The following SH3GLB2 variants were observed in gnomAD, a reference collection of about 807,000 sequenced individuals.
SH3GLB2 encodes the protein endophilin-B2.
A neutral mutation model predicts 48.0 loss-of-function variants in SH3GLB2; 24 were observed. The ratio of observed to expected loss-of-function variants is 0.50; its 90% CI spans 0.36 to 0.70. The LOEUF (loss-of-function observed/expected upper bound fraction) is 0.70, where lower values mean the gene tolerates loss of function less well. Ranked by LOEUF, SH3GLB2 falls within the 30% of genes least tolerant of loss-of-function variation. The pLI is 0.00. For synonymous variants in SH3GLB2, 227 were observed against 207.6 expected (o/e 1.09, Z -0.80); for missense variants, 425 against 516.0 (o/e 0.82, Z 1.71).
intron 10 of SH3GLB2, 121 bp from the exon 11 acceptor site, chr9:129,008,912 G>A: frequency 7.9e-7 from 1 of 1,258,470 alleles, no homozygotes; most frequent in Non-Finnish European, 1.1e-6. Flanking sequence ...ACCTTCAGTG[G>A]CTGGCGCTCA....
intron 1 of SH3GLB2, among the ~76,000 whole-genome samples, chr9:129,025,743 C>T (rs17455524): frequency 0.011 from 1,737 of 151,838 alleles, 10 homozygotes; most frequent in Non-Finnish European, 0.02. Flanking sequence ...ACCTCCCCTC[C>T]TTACCAAGGT....
chr9:129,022,325 C>A lies in SH3GLB2; in HGVS notation c.162G>T (p.Glu54Asp). The A allele has an allele frequency of 6.2e-7, 1 of 1,614,180 alleles. No individual in the cohort carries two copies. The highest frequency in any genetic ancestry group is 1.1e-5 in the South Asian group (1 of 91,064). Residue 54 changes from glutamate (E) to aspartate (D), a missense_variant, in exon 2 of 11, where the codon GAG becomes GAT. Coordinates refer to ENST00000372564, the MANE Select transcript of SH3GLB2 (RefSeq NM_020145.4). The part of the protein sequence containing the change: ...ARADSTKNWT[E>D]KILRQTEVLL... Reference sequence around the variant, plus strand: ...GCACCTCTGTCTGCCTCAAGATCTTCTCTGTCCAGTTCTTGGTGCTGTCTG... The same window carrying A: ...GCACCTCTGTCTGCCTCAAGATCTTATCTGTCCAGTTCTTGGTGCTGTCTG...
rs1007702336 is a variant in SH3GLB2, at chr9:129,010,814, C to G, written c.625-121G>C. ...TTCTGCCCCCCTGCCCCTCTGCCCC[C>G]CCTCCCAAACAGGAGCTGAGACTGG... On this transcript the variant is annotated intron_variant, in intron 6 of 10. Coordinates refer to ENST00000372564, the MANE Select transcript of SH3GLB2 (RefSeq NM_020145.4). 9.7e-6 allele frequency: 12 copies of G among 1,243,426 alleles called. No homozygotes were observed. In the South Asian group the frequency reaches 1.3e-4, roughly 13 times the overall value. 77.0% of individuals were successfully genotyped at this position (1,243,426 alleles called of 1,614,324 possible). A position where few individuals can be genotyped will look rare whatever the true frequency, so the allele number is the denominator to read the frequency against.
At position 129,009,842 on chromosome 9, in the gene SH3GLB2, G is replaced by C; in HGVS notation, c.768C>G (p.Phe256Leu). Residue 256 changes from phenylalanine to leucine, a missense_variant, in exon 9 of 11, where the codon TTC becomes TTG. Transcript: ENST00000372564. ...HVNHLRCLHEFVKSQTTYYAQ... is the reference protein window; with the variant it reads ...HVNHLRCLHELVKSQTTYYAQ... The stretch of plus-strand genomic sequence containing the variant: ...CGTAGTAGGTTGTCTGAGACTTGAC[G>C]AACTCGTGGAGGCAGCGCAGGTGGT... 1 of 1,613,964 alleles carries C rather than the reference G, an allele frequency of 6.2e-7. No individual in the cohort carries two copies. The highest frequency in any genetic ancestry group is 8.5e-7 in the Non-Finnish European group (1 of 1,179,950).
chr9:129,012,995 C>G, intron 5 of SH3GLB2: 1 of 1,551,090 alleles, frequency 6.4e-7, no homozygotes, highest in Non-Finnish European at 8.7e-7. Flanking sequence ...GCGCGTGGGA[C>G]AGGTATACTC....
chr9:129,013,139 C>A, intron 5 of SH3GLB2: 2 of 1,108,514 alleles, frequency 1.8e-6, no homozygotes, highest in Non-Finnish European at 1.3e-6. Flanking sequence ...GGCGGTCGGG[C>A]GGAGGGAGGC....
At chr9:129,013,309 A>G (rs1843230786) in intron 5 of SH3GLB2, 1 of 495,954 alleles carries the variant, frequency 2.0e-6, no homozygotes, top group African/African-American at 1.9e-5. Flanking sequence ...GTCCAGGCCC[A>G]CCAGGTGAGG....
At chr9:129,022,242 A>C (rs1198292127) in intron 2 of SH3GLB2, 40 bp downstream of exon 2, 1 of 1,606,644 alleles carries the variant, frequency 6.2e-7, no homozygotes, top group Non-Finnish European at 8.5e-7. Flanking sequence ...TCCCTGCCCC[A>C]CGACTACATC....
At position 129,008,701 on chromosome 9, in the gene SH3GLB2, A is replaced by C. The variant is rs781293051; in HGVS notation, c.1171T>G (p.Leu391Val). The change falls in exon 11 of 11, where the codon TTG (leucine) becomes GTG (valine). Residue 391 changes from leucine (L) to valine (V), a missense_variant. Physicochemically the swap from Leu to Val is conservative, Grantham distance 32. Transcript: ENST00000372564. ...GCACCTGCCTAGCTGAGCAGTTCCA[A>C]GTAGGTGACAGGGACCTTGCCCTTC... ...NKKGKVPVTY[L>V]ELLS 3 of 1,614,052 alleles carry C rather than the reference A, an allele frequency of 1.9e-6. No homozygotes were observed. The highest frequency in any genetic ancestry group is 2.2e-5 in the South Asian group (2 of 91,080).
chr9:129,014,834 C>A lies in SH3GLB2; in HGVS notation c.405G>T (p.Thr135=). 6.2e-7 allele frequency: 1 copy of A among 1,613,976 alleles called. No individual in the cohort carries two copies. The highest frequency in any genetic ancestry group is 8.5e-7 in the Non-Finnish European group (1 of 1,180,020). The stretch of plus-strand genomic sequence containing the variant: ...AGGGTGTGAGGAAGCTGATGGAGGC[C>A]GTGTGGATAAAATCCCTCTCCGCGG... ...LGAAERDFIH[T]ASISFLTPLR... is the part of the protein sequence containing the mutation. The change falls in exon 4 of 11, where the codon ACG becomes ACT. Residue 135 remains threonine (T), a synonymous_variant. Coordinates refer to ENST00000372564, the MANE Select transcript of SH3GLB2 (RefSeq NM_020145.4). This position sits in a 1 kb window ranked among gnomAD's most constrained non-coding sequence, Gnocchi z 4.1.
In SH3GLB2 at chr9:129,014,930, GGAA is replaced by G. The variant is rs780299206; in HGVS notation, c.335-29_335-27del. ...CTGAGAAAACAGAGTTGAAGCGTGA[GGAA>G]GAAGGTCAGGCTCAGGCTACTCTGA... On this transcript the variant is annotated intron_variant, in intron 3 of 10. Coordinates refer to ENST00000372564, the MANE Select transcript of SH3GLB2 (RefSeq NM_020145.4). The surrounding 1 kb of genome is among the most constrained non-coding windows in gnomAD (Gnocchi z 4.1). The G allele has an allele frequency of 3.0e-5, 48 of 1,608,448 alleles. No homozygotes were observed. Among genetic ancestry groups the G allele is most frequent in the Admixed American group, 3.4e-5 (2 of 59,390 alleles).
Position 129,008,666 on chromosome 9 carries a change from G to C in SH3GLB2, c.*18C>G. 2 of 1,600,226 alleles carry C rather than the reference G, an allele frequency of 1.2e-6. No individual in the cohort carries two copies. Among genetic ancestry groups the C allele is most frequent in the Non-Finnish European group, 1.7e-6 (2 of 1,167,526 alleles). ...TCTCCTGCCTAGGCCAGAATGCGGG[G>C]GGGATGGGGGCACCTGCCTAGCTGA... On this transcript the variant is annotated 3_prime_UTR_variant, in exon 11 of 11. Coordinates refer to ENST00000372564, the MANE Select transcript of SH3GLB2 (RefSeq NM_020145.4).
At chr9:129,025,245 GAC>G (rs1257818360) in intron 1 of SH3GLB2, among the ~76,000 whole-genome samples, 1 of 128,782 alleles carries the variant, frequency 7.8e-6, no homozygotes, top group East Asian at 2.3e-4. Flanking sequence ...CAGCCTGCGT[GAC>G]AGAGTGACTC....
At chr9:129,020,197 C>T (rs183605196) in intron 3 of SH3GLB2, among the ~76,000 whole-genome samples, 59 of 109,964 alleles carry the variant, frequency 5.4e-4, no homozygotes, top group African/African-American at 1.8e-3. Flanking sequence ...CAGAGCAAAA[C>T]TCCATCTCCA....
intron 1 of SH3GLB2, 51 bp downstream of exon 1, chr9:129,028,041 C>T (rs1342082694): frequency 3.4e-6 from 5 of 1,481,062 alleles, no homozygotes; most frequent in Non-Finnish European, 4.5e-6. Context: ...GGGTGCTCCC[C>T]GCCCGCCGCA....
chr9:129,016,776 A>C (rs1257196072), intron 3 of SH3GLB2, among the ~76,000 whole-genome samples: 1 of 152,174 alleles, frequency 6.6e-6, no homozygotes, highest in Non-Finnish European at 1.5e-5. Context: ...CTTTAACACA[A>C]AATAGTACTA....
intron 1 of SH3GLB2, among the ~76,000 whole-genome samples, chr9:129,024,969 CAA>C (rs1314613758): frequency 1.3e-4 from 16 of 124,346 alleles, no homozygotes; most frequent in Admixed American, 2.6e-4. Context: ...GACTCCATCT[CAA>C]AAAAAAAAAA....
Position 129,014,994 on chromosome 9 carries a change from A to G in SH3GLB2, c.335-90T>C. 2 of 1,523,682 alleles carry G rather than the reference A, an allele frequency of 1.3e-6. No individual in the cohort carries two copies. Among genetic ancestry groups the G allele is most frequent in the Non-Finnish European group, 1.8e-6 (2 of 1,134,100 alleles). 94.4% of individuals were successfully genotyped at this position (1,523,682 alleles called of 1,614,324 possible). A position where few individuals can be genotyped will look rare whatever the true frequency, so the allele number is the denominator to read the frequency against. Reference sequence around the variant, plus strand: ...AGGGCTCAGGAAGAGCTTGCTGAAGAGCAAGGGCCGGGGTGCTCAGTGCAG... The same window carrying G: ...AGGGCTCAGGAAGAGCTTGCTGAAGGGCAAGGGCCGGGGTGCTCAGTGCAG... On this transcript the variant is annotated intron_variant, in intron 3 of 10. Coordinates refer to ENST00000372564, the MANE Select transcript of SH3GLB2 (RefSeq NM_020145.4). This position sits in a 1 kb window ranked among gnomAD's most constrained non-coding sequence, Gnocchi z 4.1.
In SH3GLB2 at chr9:129,010,206, C is replaced by T. The variant is rs375358480; in HGVS notation, c.652G>A (p.Glu218Lys). 45 of 1,613,636 alleles carry T rather than the reference C, an allele frequency of 2.8e-5. No individual in the cohort carries two copies. Among genetic ancestry groups the T allele is most frequent in the African/African-American group, 1.1e-4 (8 of 74,900 alleles). Residue 218 changes from glutamate (E) to lysine (K), a missense_variant, in exon 8 of 11, where the codon GAG (glutamate) becomes AAG (lysine). Glu to Lys is a moderately conservative substitution (Grantham distance 56). Coordinates refer to ENST00000372564, the MANE Select transcript of SH3GLB2 (RefSeq NM_020145.4). Reference sequence around the variant, plus strand: ...GTCTGGGCCACGCGGAGCTCCTGCTCGGCCTGGGCAGGGCAGGGCAGCCAT... The same window carrying T: ...GTCTGGGCCACGCGGAGCTCCTGCTTGGCCTGGGCAGGGCAGGGCAGCCAT... ...ALWNDEVDKA[E>K]QELRVAQTEF...
Sources: allele counts gnomAD v4.1 joint callset (sites outside exome capture counted in the v4.1 genomes callset), GRCh38; gene constraint gnomAD v4.1.1; non-coding constraint Gnocchi (gnomAD v3.1); transcripts MANE v1.5; gene names NCBI Gene and HGNC (gene_info 2026-07-23, HGNC 2026-07-21).